Variants in FNDC1 observed in about 807,000 individuals in gnomAD.
FNDC1 encodes the protein fibronectin type III domain containing 1.
Under a neutral mutation model 168.0 loss-of-function variants are expected in FNDC1, and 96 were observed. The ratio of observed to expected loss-of-function variants is 0.57; its 90% confidence interval spans 0.48 to 0.68. The LOEUF (loss-of-function observed/expected upper bound fraction) is 0.68, where lower values mean the gene tolerates loss of function less well. Among genes scored for constraint, FNDC1 ranks in the 30% least tolerant of loss-of-function variants. The pLI is 0.00. For missense variants in FNDC1, 2,587 were observed against 2,482.1 expected (o/e 1.04, Z -0.90); for synonymous variants, 1,099 against 1,025.9 (o/e 1.07, Z -1.36).
intron 9 of FNDC1, 30 bp downstream of exon 9, chr6:159,226,610 T>A: frequency 6.6e-7 from 1 of 1,520,412 alleles, no homozygotes; most frequent in Non-Finnish European, 9.0e-7. Flanking sequence ...AACTGTAAGA[T>A]GCATTGATTC....
At chr6:159,269,680 A>G (rs546648209) in intron 22 of FNDC1, among the ~76,000 whole-genome samples, 40 of 152,124 alleles carry the variant, frequency 2.6e-4, no homozygotes, top group African/African-American at 8.9e-4. Context: ...GTCTCACACA[A>G]TTGTGGAAAC....
At chr6:159,203,254 A>G (rs1782414283) in intron 4 of FNDC1, among the ~76,000 whole-genome samples, 1 of 152,328 alleles carries the variant, frequency 6.6e-6, no homozygotes, top group South Asian at 2.1e-4. Context: ...GCAGCCCATA[A>G]CACATCATGA....
chr6:159,221,846 G>C (rs568134679), intron 6 of FNDC1, 150 bp downstream of exon 6: 1 of 675,942 alleles, frequency 1.5e-6, no homozygotes, highest in Non-Finnish European at 2.6e-6. Flanking sequence ...TTGGGTGTAA[G>C]CGTGCTGCTT....
At position 159,249,136 on chromosome 6, in the gene FNDC1, C is replaced by T; in HGVS notation, c.4788C>T (p.Ser1596=). 6.2e-7 allele frequency: 1 copy of T among 1,611,012 alleles called. No homozygotes were observed. Among genetic ancestry groups the T allele is most frequent in the Non-Finnish European group, 8.5e-7 (1 of 1,178,590 alleles). The part of the protein sequence containing the change: ...RVIPEEGAIS[S]FPEEEFDLAG... ...TCCCAGAGGAAGGCGCCATCAGTTC[C>T]TTTCCTGAAGAAGAATTTGATCTGG... Residue 1596 remains serine (S), a synonymous_variant, in exon 16 of 23, where the codon TCC becomes TCT. Coordinates refer to ENST00000297267, the MANE Select transcript of FNDC1 (RefSeq NM_032532.3).
intron 1 of FNDC1, among the ~76,000 whole-genome samples, chr6:159,179,519 G>A (rs1301004516): frequency 6.6e-6 from 1 of 152,172 alleles, no homozygotes; most frequent in African/African-American, 2.4e-5. Flanking sequence ...CAGGTTCTTT[G>A]TGCAACATCT....
intron 1 of FNDC1, among the ~76,000 whole-genome samples, chr6:159,171,158 C>T (rs1467392541): frequency 2.0e-5 from 3 of 152,250 alleles, no homozygotes; most frequent in Admixed American, 1.3e-4. Flanking sequence ...CTTGCTTTTT[C>T]GCCTTCTGCT....
At chr6:159,208,283 G>T (rs1379673694) in intron 4 of FNDC1, among the ~76,000 whole-genome samples, 2 of 152,190 alleles carry the variant, frequency 1.3e-5, no homozygotes, top group African/African-American at 2.4e-5. Flanking sequence ...TAAGATGGCT[G>T]AAGAGGGCAA....
intron 15 of FNDC1, among the ~76,000 whole-genome samples, chr6:159,248,038 G>T (rs1464047829): frequency 1.3e-5 from 2 of 152,180 alleles, no homozygotes; most frequent in African/African-American, 4.8e-5. Flanking sequence ...TGTCACCTTT[G>T]ATGTGTTATT....
intron 1 of FNDC1, among the ~76,000 whole-genome samples, chr6:159,194,284 A>G (rs1007275451): frequency 2.6e-5 from 4 of 152,100 alleles, no homozygotes; most frequent in African/African-American, 7.2e-5. Context: ...TTTCCTCCCA[A>G]TGTTCCTTCT....
At chr6:159,217,538 C>T (rs1341501935) in intron 5 of FNDC1, among the ~76,000 whole-genome samples, 1 of 152,068 alleles carries the variant, frequency 6.6e-6, no homozygotes, top group Non-Finnish European at 1.5e-5. Context: ...ATGGTCACAT[C>T]AGATCCCTTC....
rs548987789 is a variant in FNDC1 at position 159,236,222 on chromosome 6, T to C, written c.3975T>C (p.Asn1325=). Residue 1325 remains asparagine (N), a synonymous_variant, in exon 12 of 23, where the codon AAT becomes AAC. Transcript: ENST00000297267. ...ATTTTTGGTACTGTGTAGGTTATAA[T>C]GGCAGACCAAATGTAGAAGGGAAAG... ...PARPSYRQGY[N]GRPNVEGKVL... 7 of 1,612,840 alleles carry C rather than the reference T, an allele frequency of 4.3e-6. No homozygotes were observed. The highest frequency in any genetic ancestry group is 2.2e-5 in the East Asian group (1 of 44,858).
At chr6:159,181,972 A>T (rs535275978) in intron 1 of FNDC1, among the ~76,000 whole-genome samples, 4 of 151,986 alleles carry the variant, frequency 2.6e-5, no homozygotes, top group Non-Finnish European at 5.9e-5. Context: ...TTTCCACTCC[A>T]CCCATCAATT....
chr6:159,249,934 TC>T (rs376144380), intron 16 of FNDC1, among the ~76,000 whole-genome samples: 20 of 152,330 alleles, frequency 1.3e-4, no homozygotes, highest in Non-Finnish European at 2.1e-4. Flanking sequence ...TGACTGAGTG[TC>T]TAAACCACAC....
chr6:159,211,013 C>T (rs421822), intron 4 of FNDC1, among the ~76,000 whole-genome samples: 73,161 of 152,070 alleles, frequency 0.48, 19,970 homozygotes, highest in African/African-American at 0.74. Flanking sequence ...CACTGAACTT[C>T]GAGCACCATG....
chr6:159,269,257 C>CTATTT lies in FNDC1; in HGVS notation c.5569+1331_5569+1332insTATTT. On this transcript the variant is annotated intron_variant, in intron 22 of 22. Transcript: ENST00000297267. ...TCTATCTATCTATCTATCCATCTAT[C>CTATTT]ATCTATCTATCTATCTATCTATCTA... 4.7e-5 allele frequency among the ~76,000 whole-genome samples: 2 copies of CTATTT among 42,684 alleles called. 1 individual carries two copies. The highest frequency in any genetic ancestry group is 1.3e-3 in the East Asian group (2 of 1,564). 28.0% of individuals were successfully genotyped at this position (42,684 alleles called of 152,430 possible).
chr6:159,213,714 ACCTTT>A (rs1219899100), intron 4 of FNDC1, among the ~76,000 whole-genome samples: 2 of 150,248 alleles, frequency 1.3e-5, no homozygotes, highest in Non-Finnish European at 3.0e-5. Context: ...AAAAAAAAAA[ACCTTT>A]AAAACAATTA....
intron 17 of FNDC1, 32 bp downstream of exon 17, chr6:159,251,564 G>T: frequency 1.3e-6 from 2 of 1,569,564 alleles, no homozygotes; most frequent in Non-Finnish European, 1.7e-6. Flanking sequence ...GAGTTCCCAT[G>T]ATCTGTAGGT....
chr6:159,264,851 C>A, intron 19 of FNDC1, 124 bp from the exon 20 acceptor site: 1 of 710,730 alleles, frequency 1.4e-6, no homozygotes, highest in Non-Finnish European at 2.3e-6. Flanking sequence ...ACGTTGGCAT[C>A]TATCAAACCT....
chr6:159,177,979 C>A (rs563263329), intron 1 of FNDC1, among the ~76,000 whole-genome samples: 1 of 152,132 alleles, frequency 6.6e-6, no homozygotes, highest in Admixed American at 6.5e-5. Context: ...TCATAGATTC[C>A]TGTTCAATTA....
Sources: gnomAD v4.1 joint callset for allele counts (sites outside exome capture counted in the v4.1 genomes callset) on GRCh38, gnomAD v4.1.1 for gene constraint, MANE v1.5 for transcripts, NCBI Gene and HGNC (gene_info 2026-07-23, HGNC 2026-07-21) for gene names.